The following FNBP1 variants were observed in gnomAD, a reference collection of about 807,000 sequenced individuals.
FNBP1 encodes formin binding protein 1.
In FNBP1, 26 loss-of-function variants were observed where a neutral mutation model predicts 90.6. The ratio of observed to expected loss-of-function variants is 0.29; its 90% CI spans 0.21 to 0.40. The LOEUF (loss-of-function observed/expected upper bound fraction) is 0.40, where lower values mean the gene tolerates loss of function less well. Ranked by LOEUF, FNBP1 falls within the 10% of genes least tolerant of loss-of-function variation. The pLI is 1.00. For missense variants in FNBP1, 635 were observed against 768.0 expected (o/e 0.83, Z 2.05); for synonymous variants, 260 against 265.2 (o/e 0.98, Z 0.19).
chr9:129,927,952 T>A (rs1211098171), intron 7 of FNBP1, among the ~76,000 whole-genome samples: 1 of 152,156 alleles, frequency 6.6e-6, no homozygotes, highest in East Asian at 1.9e-4. Flanking sequence ...CTATTTGTAA[T>A]CTACCTCAAA....
intron 4 of FNBP1, among the ~76,000 whole-genome samples, chr9:129,977,959 C>G (rs1199848763): frequency 6.6e-6 from 1 of 151,838 alleles, no homozygotes; most frequent in Non-Finnish European, 1.5e-5. Flanking sequence ...TCTGAAGGAC[C>G]CTTGACATTT....
intron 4 of FNBP1, among the ~76,000 whole-genome samples, chr9:129,961,344 A>C (rs1027792081): frequency 6.6e-6 from 1 of 152,068 alleles, no homozygotes; most frequent in Non-Finnish European, 1.5e-5. Flanking sequence ...CAAACAAACA[A>C]GTAGAGAGAC....
chr9:129,896,061 C>T lies in FNBP1; in HGVS notation c.1688-65G>A, dbSNP rs115462421. The T allele has an allele frequency of 2.9e-4, 437 of 1,485,522 alleles. 2 individuals are homozygous for T. In the African/African-American group the frequency reaches 5.6e-3, roughly 19 times the overall value. 92.0% of individuals were successfully genotyped at this position (1,485,522 alleles called of 1,614,324 possible). A position where few individuals can be genotyped will look rare whatever the true frequency, so the allele number is the denominator to read the frequency against. On this transcript the variant is annotated intron_variant, in intron 15 of 16. Transcript: ENST00000446176. ...AATGCAGGGAGGAAGCAAACAGTGG[C>T]CTTCGCAATGAAACAAGTGTCGTCG... is the stretch of plus-strand genomic sequence containing the variant.
intron 12 of FNBP1, among the ~76,000 whole-genome samples, 181 bp downstream of exon 12, chr9:129,908,709 C>T (rs2038646372): frequency 6.6e-6 from 1 of 151,908 alleles, no homozygotes; most frequent in Non-Finnish European, 1.5e-5. Flanking sequence ...TGTGCCACTG[C>T]ACCTGGCTAG....
At chr9:129,903,147 G>A in intron 12 of FNBP1, 146 bp from the exon 13 acceptor site, 2 of 736,004 alleles carry the variant, frequency 2.7e-6, no homozygotes, top group Non-Finnish European at 4.3e-6. Flanking sequence ...CACCTCCAGG[G>A]TTCAAGCAAT....
intron 1 of FNBP1, among the ~76,000 whole-genome samples, chr9:130,004,396 T>TC (rs1464420042): frequency 6.6e-6 from 1 of 152,128 alleles, no homozygotes; most frequent in East Asian, 1.9e-4. Context: ...CTGAGGCCAG[T>TC]CCCCCTCTGC....
Position 129,908,742 on chromosome 9 carries a change from G to A in FNBP1, c.1295+148C>T, listed in dbSNP as rs768739082. On this transcript the variant is annotated intron_variant, in intron 12 of 16. Transcript: ENST00000446176. Reference sequence around the variant, plus strand: ...TAGTTTTTATATTTTTAGTAGAGACGGGGTTTCACCATGTAGGCCAGGATG... The same window carrying A: ...TAGTTTTTATATTTTTAGTAGAGACAGGGTTTCACCATGTAGGCCAGGATG... 184 of 553,966 alleles carry A rather than the reference G, an allele frequency of 3.3e-4. 1 individual carries two copies. The highest frequency in any genetic ancestry group is 5.5e-4 in the Non-Finnish European group (169 of 308,530). The allele number at this position is 553,966 out of a possible 1,614,324, so 34.3% of individuals were successfully genotyped here.
chr9:129,897,887 T>C (rs1480313028), intron 15 of FNBP1, among the ~76,000 whole-genome samples: 1 of 152,206 alleles, frequency 6.6e-6, no homozygotes, highest in Admixed American at 6.6e-5. Context: ...TGGAGTACAA[T>C]GGCACGATCT....
intron 2 of FNBP1, among the ~76,000 whole-genome samples, chr9:129,981,094 G>T (rs756517257): frequency 1.4e-4 from 21 of 150,160 alleles, no homozygotes; most frequent in Non-Finnish European, 3.1e-4. Flanking sequence ...ATGTTTTCTT[G>T]TTTGTTTGTT....
chr9:130,003,573 C>T (rs2055187365), intron 1 of FNBP1, among the ~76,000 whole-genome samples: 1 of 151,908 alleles, frequency 6.6e-6, no homozygotes, highest in Non-Finnish European at 1.5e-5. Context: ...CATTACTGCA[C>T]TCCAGCCTGG....
intron 2 of FNBP1, among the ~76,000 whole-genome samples, chr9:129,984,739 G>A (rs1250100331): frequency 6.6e-6 from 1 of 152,028 alleles, no homozygotes. Context: ...TCATGGGGGG[G>A]GCCGGTCTTT....
chr9:129,929,216 C>G (rs1005945158), intron 7 of FNBP1, among the ~76,000 whole-genome samples: 2 of 152,052 alleles, frequency 1.3e-5, no homozygotes, highest in South Asian at 4.1e-4. Flanking sequence ...TTGAGACCAG[C>G]CTGGCCAACA....
intron 4 of FNBP1, among the ~76,000 whole-genome samples, chr9:129,965,764 G>A (rs892801111): frequency 8.0e-6 from 1 of 125,634 alleles, no homozygotes; most frequent in Non-Finnish European, 1.7e-5. Flanking sequence ...GGAAGTGAAG[G>A]AAGGGAGGGA....
At chr9:129,923,674 C>T (rs2041452080) in intron 10 of FNBP1, among the ~76,000 whole-genome samples, 170 bp downstream of exon 10, 1 of 150,206 alleles carries the variant, frequency 6.7e-6, no homozygotes, top group Admixed American at 6.6e-5. Context: ...TTCTTTCTTC[C>T]TCTTTCTGGC....
At chr9:130,006,427 G>A (rs556038559) in intron 1 of FNBP1, among the ~76,000 whole-genome samples, 37 of 152,294 alleles carry the variant, frequency 2.4e-4, no homozygotes, top group African/African-American at 8.2e-4. Context: ...CCTGGGAGGC[G>A]GAGGTTGCAG....
At position 129,954,950 on chromosome 9, in the gene FNBP1, C is replaced by T. The variant is rs1011033397; in HGVS notation, c.513+2410G>A. 4.6e-5 allele frequency among the ~76,000 whole-genome samples: 7 copies of T among 151,740 alleles called. No individual in the cohort carries two copies. In the East Asian group the frequency reaches 5.8e-4, roughly 13 times the overall value. ...TGGAGATTGCAATGAACCGAGATTG[C>T]GCTAGTGCACTCCAGCCTGGGCAAC... On this transcript the variant is annotated intron_variant, in intron 6 of 16. Coordinates refer to ENST00000446176, the MANE Select transcript of FNBP1 (RefSeq NM_015033.3).
intron 6 of FNBP1, among the ~76,000 whole-genome samples, chr9:129,952,696 T>G (rs2046368332): frequency 6.6e-6 from 1 of 152,186 alleles, no homozygotes; most frequent in Non-Finnish European, 1.5e-5. Flanking sequence ...GGGCCACTTT[T>G]TATTGATGAA....
At chr9:129,892,869 T>G (rs1233051413) in intron 16 of FNBP1, among the ~76,000 whole-genome samples, 1 of 152,170 alleles carries the variant, frequency 6.6e-6, no homozygotes, top group Non-Finnish European at 1.5e-5. Flanking sequence ...AAAATTATCA[T>G]CATAAATTTA....
At chr9:129,928,242 G>C (rs191906312) in intron 7 of FNBP1, among the ~76,000 whole-genome samples, 21 of 152,320 alleles carry the variant, frequency 1.4e-4, no homozygotes, top group African/African-American at 4.8e-4. Flanking sequence ...CCAAAAGAAA[G>C]AACTGTCATT....
Sources: gnomAD v4.1 joint callset for allele counts (sites outside exome capture counted in the v4.1 genomes callset) on GRCh38, gnomAD v4.1.1 for gene constraint, MANE v1.5 for transcripts, NCBI Gene and HGNC (gene_info 2026-07-23, HGNC 2026-07-21) for gene names.